PALS2: variants seen among roughly 807,000 people sequenced by gnomAD.
PALS2 encodes the protein protein PALS2.
PALS2 carries 27 observed loss-of-function variants against 61.6 expected under a neutral mutation model. The ratio of observed to expected loss-of-function variants is 0.44; its 90% CI spans 0.32 to 0.60. The LOEUF (loss-of-function observed/expected upper bound fraction) is 0.60. PALS2 is among the 20% of genes least tolerant of loss of function. The pLI, the probability that PALS2 is intolerant of heterozygous loss-of-function variation, is 0.05. For missense variants in PALS2, 554 were observed against 639.4 expected (o/e 0.87, Z 1.44); for synonymous variants, 236 against 218.6 (o/e 1.08, Z -0.70).
intron 1 of PALS2, among the ~76,000 whole-genome samples, chr7:24,617,908 G>C (rs1030280330): frequency 4.6e-5 from 7 of 152,226 alleles, no homozygotes; most frequent in East Asian, 1.9e-4. Flanking sequence ...GTTCTCAGGG[G>C]TGGTGTGCAG....
At chr7:24,630,501 G>A (rs563510287) in intron 2 of PALS2, among the ~76,000 whole-genome samples, 1 of 146,898 alleles carries the variant, frequency 6.8e-6, no homozygotes, top group African/African-American at 2.4e-5. Flanking sequence ...TTAAAAAAAA[G>A]AAGAAGAAGC....
At chr7:24,617,906 G>C (rs993344840) in intron 1 of PALS2, among the ~76,000 whole-genome samples, 4 of 152,200 alleles carry the variant, frequency 2.6e-5, no homozygotes, top group Non-Finnish European at 5.9e-5. Flanking sequence ...AAGTTCTCAG[G>C]GGTGGTGTGC....
At chr7:24,677,025 ATTTG>A (rs2128029426) in intron 9 of PALS2, among the ~76,000 whole-genome samples, 1 of 151,672 alleles carries the variant, frequency 6.6e-6, no homozygotes, top group Admixed American at 6.5e-5. Context: ...ATGTTCTTGC[ATTTG>A]TTTGTATCCT....
At position 24,668,655 on chromosome 7, in the gene PALS2, T is replaced by G; in HGVS notation, c.1109T>G (p.Val370Gly). Residue 370 changes from valine (V) to glycine (G), a missense_variant, in exon 9 of 12, where the codon GTG (valine) becomes GGG (glycine). Val to Gly is a moderately radical substitution (Grantham distance 109, BLOSUM62 -3). Transcript: ENST00000222644. ...VLNPTRFGTTVPFTSRKPRED... is the reference protein window; with the variant it reads ...VLNPTRFGTTGPFTSRKPRED... ...AATCCCACTAGATTTGGAACTACGGTGCCATGTAAGTTTTCTGTGTTTTCC... is the reference window on the plus strand; with the variant it reads ...AATCCCACTAGATTTGGAACTACGGGGCCATGTAAGTTTTCTGTGTTTTCC... 6.2e-7 allele frequency: 1 copy of G among 1,613,756 alleles called. No individual in the cohort carries two copies. Among genetic ancestry groups the G allele is most frequent in the Non-Finnish European group, 8.5e-7 (1 of 1,179,862 alleles).
chr7:24,663,638 A>G lies in PALS2; in HGVS notation c.700A>G (p.Ile234Val), dbSNP rs755190525. Residue 234 changes from isoleucine to valine, a missense_variant, in exon 6 of 12, where the codon ATA (isoleucine) becomes GTA (valine). Transcript: ENST00000222644. ...TTATAATCCATACAATGACAACCTA[A>G]TACCTTGCAAAGAAGCAGGATTGAA... is the stretch of plus-strand genomic sequence containing the variant. The part of the protein sequence containing the change: ...FDYNPYNDNL[I>V]PCKEAGLKFS... The G allele has an allele frequency of 6.3e-7, 1 of 1,595,472 alleles. No homozygotes were observed. Among genetic ancestry groups the G allele is most frequent in the East Asian group, 2.2e-5 (1 of 44,664 alleles).
At chr7:24,617,339 A>G (rs1317016330) in intron 1 of PALS2, among the ~76,000 whole-genome samples, 1 of 152,064 alleles carries the variant, frequency 6.6e-6, no homozygotes, top group Admixed American at 6.6e-5. Flanking sequence ...CTGTTTCCTT[A>G]CGATTATTAT....
intron 1 of PALS2, among the ~76,000 whole-genome samples, chr7:24,591,185 G>T (rs1291678322): frequency 6.6e-6 from 1 of 152,112 alleles, no homozygotes; most frequent in East Asian, 1.9e-4. Context: ...ATAGTTTTGA[G>T]GTATACTATG....
chr7:24,594,861 A>C (rs1308361576), intron 1 of PALS2, among the ~76,000 whole-genome samples: 3 of 152,146 alleles, frequency 2.0e-5, no homozygotes, highest in Non-Finnish European at 4.4e-5. Flanking sequence ...TAACTGGCAT[A>C]ATAGTAATGA....
At chr7:24,588,789 CT>C (rs560425471) in intron 1 of PALS2, among the ~76,000 whole-genome samples, 45 of 152,220 alleles carry the variant, frequency 3.0e-4, no homozygotes, top group Non-Finnish European at 4.1e-4. Flanking sequence ...TTCTATTTGG[CT>C]TTATTGTTTT....
In PALS2 at chr7:24,573,575, G is replaced by A. The variant is rs2128035887; in HGVS notation, c.-21G>A. On this transcript the variant is annotated 5_prime_UTR_variant, in exon 1 of 12. Coordinates refer to ENST00000222644, the MANE Select transcript of PALS2 (RefSeq NM_001303037.2). This position sits in a 1 kb window ranked among gnomAD's most constrained non-coding sequence, Gnocchi z 5.3. The stretch of plus-strand genomic sequence containing the variant: ...GAGCGGCGGCAGCGGCGGCGCGGAG[G>A]CGGCTGAGGTGCGAGCCGGTGAGTT... 7.8e-6 allele frequency: 3 copies of A among 385,206 alleles called. No homozygotes were observed. The highest frequency in any genetic ancestry group is 2.6e-4 in the South Asian group (2 of 7,792). 23.9% of individuals were successfully genotyped at this position (385,206 alleles called of 1,614,324 possible).
intron 2 of PALS2, among the ~76,000 whole-genome samples, chr7:24,631,774 A>G (rs2128063167): frequency 6.6e-6 from 1 of 152,350 alleles, no homozygotes; most frequent in East Asian, 1.9e-4. Flanking sequence ...AAGACCTTAC[A>G]CAGGCAAAAA....
At chr7:24,592,621 G>T (rs1413121390) in intron 1 of PALS2, among the ~76,000 whole-genome samples, 1 of 151,992 alleles carries the variant, frequency 6.6e-6, no homozygotes, top group African/African-American at 2.4e-5. Context: ...AGATATCACG[G>T]GTTCAGTTCT....
intron 1 of PALS2, among the ~76,000 whole-genome samples, chr7:24,593,298 G>T (rs1272746550): frequency 1.3e-5 from 2 of 152,078 alleles, no homozygotes; most frequent in African/African-American, 2.4e-5. Flanking sequence ...CACCACATCT[G>T]CAGTGACTTA....
At chr7:24,609,291 G>A (rs975205800) in intron 1 of PALS2, among the ~76,000 whole-genome samples, 4 of 152,146 alleles carry the variant, frequency 2.6e-5, no homozygotes, top group Admixed American at 2.6e-4. Context: ...GGAATGGGAC[G>A]TCATGGTCAG....
intron 9 of PALS2, among the ~76,000 whole-genome samples, chr7:24,675,454 A>G (rs1039913522): frequency 6.6e-6 from 1 of 150,394 alleles, no homozygotes; most frequent in Non-Finnish European, 1.5e-5. Flanking sequence ...GGTTAGTTAC[A>G]TATGTATACA....
intron 1 of PALS2, among the ~76,000 whole-genome samples, chr7:24,611,105 G>A (rs1784095274): frequency 6.6e-6 from 1 of 152,098 alleles, no homozygotes; most frequent in African/African-American, 2.4e-5. Context: ...TTTACTTACA[G>A]TTCTAAACCT....
chr7:24,645,631 TA>T (rs1227010634), intron 3 of PALS2, among the ~76,000 whole-genome samples: 2 of 151,766 alleles, frequency 1.3e-5, no homozygotes, highest in Non-Finnish European at 2.9e-5. Context: ...AATTTTAAAA[TA>T]TTTTTTTCTA....
chr7:24,681,777 A>G (rs1787948126), intron 11 of PALS2, among the ~76,000 whole-genome samples: 1 of 152,100 alleles, frequency 6.6e-6, no homozygotes, highest in South Asian at 2.1e-4. Context: ...GCTCCTTTGT[A>G]ACCTGCTCCC....
intron 5 of PALS2, 57 bp from the exon 6 acceptor site, chr7:24,663,533 T>A: frequency 1.3e-5 from 19 of 1,459,092 alleles, no homozygotes; most frequent in Non-Finnish European, 1.7e-5. Flanking sequence ...AAGGATTTTT[T>A]AAATTCAGTG....
Sources: allele counts gnomAD v4.1 joint callset (sites outside exome capture counted in the v4.1 genomes callset), GRCh38; gene constraint gnomAD v4.1.1; non-coding constraint Gnocchi (gnomAD v3.1); transcripts MANE v1.5; gene names NCBI Gene and HGNC (gene_info 2026-07-23, HGNC 2026-07-21).